B3GALT1: variants seen among roughly 807,000 people sequenced by gnomAD.
B3GALT1 encodes the protein beta-1,3-galactosyltransferase 1.
Under a neutral mutation model 23.2 loss-of-function variants are expected in B3GALT1, and 10 were observed. That is an observed-to-expected ratio of 0.43 (90% CI 0.27 to 0.73). The LOEUF (loss-of-function observed/expected upper bound fraction) is 0.73, where lower values mean the gene tolerates loss of function less well. B3GALT1 is among the 30% of genes least tolerant of loss of function. The pLI is 0.21. For missense variants in B3GALT1, 299 were observed against 405.4 expected, an observed-to-expected ratio of 0.74 and a Z score of 2.25; for synonymous variants, 156 against 141.5, an observed-to-expected ratio of 1.10 and a Z score of -0.73.
At chr2:167,354,278 T>C in intron 1 of B3GALT1, among the ~76,000 whole-genome samples, 1 of 152,130 alleles carries the variant, frequency 6.6e-6, no homozygotes, top group Admixed American at 6.6e-5. Flanking sequence ...CTTTTCTTAT[T>C]TCCTTCCCTC....
chr2:167,351,029 G>A (rs1417248072), intron 1 of B3GALT1, among the ~76,000 whole-genome samples: 1 of 152,134 alleles, frequency 6.6e-6, no homozygotes, highest in Non-Finnish European at 1.5e-5. Flanking sequence ...AGCACTTTGC[G>A]AGGCCGAGGC....
At chr2:167,527,348 T>C (rs756867883) in intron 2 of B3GALT1, among the ~76,000 whole-genome samples, 1 of 151,904 alleles carries the variant, frequency 6.6e-6, no homozygotes, top group African/African-American at 2.4e-5. Context: ...CTTCAGTGTT[T>C]GGTTGATTTT....
chr2:167,484,428 T>C (rs1403793391), intron 1 of B3GALT1, among the ~76,000 whole-genome samples: 2 of 152,212 alleles, frequency 1.3e-5, no homozygotes, highest in Non-Finnish European at 2.9e-5. Context: ...CAACTTGATT[T>C]TACACATTCT....
intron 1 of B3GALT1, among the ~76,000 whole-genome samples, chr2:167,417,064 A>G (rs1448234886): frequency 1.3e-5 from 2 of 152,092 alleles, no homozygotes; most frequent in African/African-American, 2.4e-5. Context: ...GAATGAATAT[A>G]TTTATGTGTT....
intron 3 of B3GALT1, among the ~76,000 whole-genome samples, chr2:167,806,216 A>G (rs1417658448): frequency 1.3e-5 from 2 of 152,338 alleles, no homozygotes; most frequent in East Asian, 3.9e-4. Flanking sequence ...CATCAGCTTA[A>G]GGAGATTTTG....
At chr2:167,453,080 G>A (rs552004804) in intron 1 of B3GALT1, among the ~76,000 whole-genome samples, 1 of 152,298 alleles carries the variant, frequency 6.6e-6, no homozygotes, top group Non-Finnish European at 1.5e-5. Flanking sequence ...TCTCAATCCT[G>A]AAGAGATGTC....
intron 3 of B3GALT1, among the ~76,000 whole-genome samples, chr2:167,700,269 G>C (rs1686858511): frequency 6.6e-6 from 1 of 152,056 alleles, no homozygotes. Context: ...AAAATGTATA[G>C]TTATTGCCAT....
At chr2:167,394,799 AC>A (rs1050159418) in intron 1 of B3GALT1, among the ~76,000 whole-genome samples, 3 of 152,116 alleles carry the variant, frequency 2.0e-5, no homozygotes, top group African/African-American at 7.2e-5. Flanking sequence ...AGGCATTGAA[AC>A]CTAATAGAGT....
At chr2:167,707,507 A>ATT (rs5836158) in intron 3 of B3GALT1, among the ~76,000 whole-genome samples, 45 of 150,648 alleles carry the variant, frequency 3.0e-4, no homozygotes, top group South Asian at 1.1e-3. Flanking sequence ...TATTTTTCTT[A>ATT]TTTTTTTTTT....
At chr2:167,592,342 C>A (rs1684700490) in intron 2 of B3GALT1, among the ~76,000 whole-genome samples, 2 of 152,176 alleles carry the variant, frequency 1.3e-5, no homozygotes, top group Admixed American at 6.5e-5. Context: ...AAGAGGATCT[C>A]TCTCACCCTT....
At chr2:167,382,499 A>G (rs1322859499) in intron 1 of B3GALT1, among the ~76,000 whole-genome samples, 1 of 150,382 alleles carries the variant, frequency 6.6e-6, no homozygotes, top group Admixed American at 6.6e-5. Context: ...TCTTTTCTTC[A>G]TCCCCTCTGT....
chr2:167,433,303 T>A (rs1698731830), intron 1 of B3GALT1, among the ~76,000 whole-genome samples: 1 of 152,222 alleles, frequency 6.6e-6, no homozygotes, highest in Non-Finnish European at 1.5e-5. Context: ...AATTCCATTG[T>A]CTGGATATAC....
intron 1 of B3GALT1, among the ~76,000 whole-genome samples, chr2:167,416,826 A>G (rs916278839): frequency 3.3e-5 from 5 of 152,338 alleles, no homozygotes; most frequent in Middle Eastern, 3.4e-3. Context: ...TCCAGCTTTA[A>G]GATTTCATGT....
At chr2:167,690,449 T>TG (rs1686693205) in intron 3 of B3GALT1, among the ~76,000 whole-genome samples, 1 of 152,120 alleles carries the variant, frequency 6.6e-6, no homozygotes, top group Non-Finnish European at 1.5e-5. Flanking sequence ...TTTTCAAAAG[T>TG]GAAATCCTTA....
At chr2:167,593,977 C>G (rs1411090494) in intron 2 of B3GALT1, among the ~76,000 whole-genome samples, 1 of 152,224 alleles carries the variant, frequency 6.6e-6, no homozygotes, top group African/African-American at 2.4e-5. Context: ...AACAAAAACA[C>G]AGAAGCCTAG....
At chr2:167,704,606 C>A (rs1429316038) in intron 3 of B3GALT1, among the ~76,000 whole-genome samples, 1 of 151,946 alleles carries the variant, frequency 6.6e-6, no homozygotes, top group African/African-American at 2.4e-5. Flanking sequence ...AAGGATTAGA[C>A]TGAGCTGGAA....
At chr2:167,511,837 C>T (rs1340089666) in intron 2 of B3GALT1, among the ~76,000 whole-genome samples, 2 of 151,934 alleles carry the variant, frequency 1.3e-5, no homozygotes, top group African/African-American at 4.8e-5. Context: ...ATAAGATGGA[C>T]TCAGATTTTA....
At position 167,862,428 on chromosome 2, in the gene B3GALT1, G is replaced by A. The variant is rs73021274; in HGVS notation, c.-229-6383G>A. Among the ~76,000 whole-genome samples the A allele has an allele frequency of 8.3e-3, 1,270 of 152,232 alleles. 21 individuals carry two copies. Among genetic ancestry groups the A allele is most frequent in the African/African-American group, 0.029 (1,200 of 41,516 alleles). ...AAATTAGCCCTTCCTCTAAGTTTTC[G>A]TCCTATTTAGGCCTTCAGTGAATTA... On this transcript the variant is annotated intron_variant, in intron 4 of 4. Transcript: ENST00000392690.
intron 2 of B3GALT1, among the ~76,000 whole-genome samples, chr2:167,615,567 C>T (rs182309212): frequency 2.0e-5 from 3 of 151,666 alleles, no homozygotes; most frequent in African/African-American, 4.8e-5. Flanking sequence ...AATAAGTATA[C>T]GAAGTAATGA....
Sources: allele counts gnomAD v4.1 joint callset (sites outside exome capture counted in the v4.1 genomes callset), GRCh38; gene constraint gnomAD v4.1.1; transcripts MANE v1.5; gene names NCBI Gene and HGNC (gene_info 2026-07-23, HGNC 2026-07-21).